The following PGR variants were observed in gnomAD, a reference collection of about 807,000 sequenced individuals.
PGR encodes progesterone receptor, also known as nuclear receptor subfamily 3 group C member 3.
A neutral mutation model predicts 76.1 loss-of-function variants in PGR; 25 were observed. The observed-to-expected ratio is 0.33, with a 90% confidence interval of 0.24 to 0.46. PGR has a LOEUF of 0.46. Ranked by LOEUF, PGR falls within the 20% of genes least tolerant of loss-of-function variation. The pLI is 1.00. For missense variants in PGR, 1,172 were observed against 1,225.3 expected (o/e 0.96, Z 0.65); for synonymous variants, 579 against 535.0 (o/e 1.08, Z -1.14).
chr11:101,083,003 C>G (rs572775), intron 3 of PGR, among the ~76,000 whole-genome samples: 16,505 of 152,246 alleles, frequency 0.11, 951 homozygotes, highest in East Asian at 0.19. Context: ...ACAGCAGCCC[C>G]TCCCATCACA....
At chr11:101,080,527 A>G (rs1467321484) in intron 3 of PGR, among the ~76,000 whole-genome samples, 3 of 152,088 alleles carry the variant, frequency 2.0e-5, no homozygotes, top group African/African-American at 4.8e-5. Flanking sequence ...TGAAGTGCCA[A>G]TGTCTCCAGA....
chr11:101,044,030 C>A (rs1298085400), intron 6 of PGR, among the ~76,000 whole-genome samples: 2 of 152,210 alleles, frequency 1.3e-5, no homozygotes, highest in African/African-American at 4.8e-5. Context: ...TAGCCCCTAA[C>A]AAGAGAGTCA....
chr11:101,066,329 C>T (rs11224579), intron 3 of PGR, among the ~76,000 whole-genome samples: 22,709 of 152,134 alleles, frequency 0.15, 2,937 homozygotes, highest in East Asian at 0.74. Context: ...CTTCTTTTAA[C>T]GCTCTTATTC....
At chr11:101,062,297 C>T (rs1028621371) in intron 4 of PGR, 150 bp downstream of exon 4, 8 of 649,386 alleles carry the variant, frequency 1.2e-5, no homozygotes, top group East Asian at 5.5e-5. Context: ...GGGTCCTAGA[C>T]AAATATTTTG....
rs577843474 is a variant in PGR, at chr11:101,072,669, T to C, written c.1907-9917A>G. 1.5e-4 allele frequency among the ~76,000 whole-genome samples: 23 copies of C among 151,868 alleles called. No homozygotes were observed. In the South Asian group the frequency reaches 4.6e-3, roughly 30 times the overall value. ...AATGGAAAGCTAAAAAAGGCAGGGG[T>C]TGCAATCCTAGTCTCTGATAAAACA... is the stretch of plus-strand genomic sequence containing the variant. On this transcript the variant is annotated intron_variant, in intron 3 of 7. Transcript: ENST00000325455.
Position 101,128,839 on chromosome 11 carries a change from G to T in PGR, c.232C>A (p.Gln78Lys), listed in dbSNP as rs771435218. The stretch of plus-strand genomic sequence containing the variant: ...GCGCCCTCCACGTCCGACAGCGACT[G>T]CTGGTCCTGCGTCTTTTCGTCGGAG... ...DPSDEKTQDQ[Q>K]SLSDVEGAYS... The change falls in exon 1 of 8, where the codon CAG becomes AAG. Residue 78 changes from glutamine to lysine, a missense_variant. Transcript: ENST00000325455. 6.2e-7 allele frequency: 1 copy of T among 1,614,074 alleles called. No homozygotes were observed. The highest frequency in any genetic ancestry group is 8.5e-7 in the Non-Finnish European group (1 of 1,180,052).
intron 4 of PGR, 37 bp from the exon 5 acceptor site, chr11:101,051,605 A>T (rs1413984866): frequency 6.8e-7 from 1 of 1,466,096 alleles, no homozygotes; most frequent in South Asian, 1.1e-5. Flanking sequence ...GACCATAAAA[A>T]TGACTGAATT....
chr11:101,048,597 T>C (rs1217329771), intron 6 of PGR, among the ~76,000 whole-genome samples: 1 of 152,082 alleles, frequency 6.6e-6, no homozygotes, highest in Non-Finnish European at 1.5e-5. Flanking sequence ...AAATCCAATA[T>C]AAAAGATACG....
intron 3 of PGR, among the ~76,000 whole-genome samples, chr11:101,074,108 C>T (rs998480002): frequency 5.3e-5 from 8 of 152,146 alleles, no homozygotes; most frequent in African/African-American, 1.9e-4. Context: ...TCCAGCAGCA[C>T]ATCAAAAAGC....
intron 3 of PGR, among the ~76,000 whole-genome samples, chr11:101,073,230 T>C (rs1032843439): frequency 6.6e-6 from 1 of 152,194 alleles, no homozygotes; most frequent in Non-Finnish European, 1.5e-5. Flanking sequence ...GATTACTGCA[T>C]AAATAATGAA....
chr11:101,115,377 C>T (rs1235443738), intron 2 of PGR, among the ~76,000 whole-genome samples: 3 of 152,078 alleles, frequency 2.0e-5, no homozygotes, highest in African/African-American at 7.2e-5. Flanking sequence ...ATGGGATAAA[C>T]TCCATGATTG....
intron 2 of PGR, among the ~76,000 whole-genome samples, chr11:101,102,840 C>A (rs1862036541): frequency 9.3e-6 from 1 of 107,882 alleles, no homozygotes; most frequent in Non-Finnish European, 1.8e-5. Context: ...ACGAATTTTC[C>A]ACGGACTGGG....
chr11:101,044,341 C>A (rs1333894306), intron 6 of PGR, among the ~76,000 whole-genome samples: 1 of 152,136 alleles, frequency 6.6e-6, no homozygotes, highest in Non-Finnish European at 1.5e-5. Context: ...CATCTCTTTG[C>A]CTTCCTAGTA....
chr11:101,062,402 A>G (rs762245970), intron 4 of PGR, 45 bp downstream of exon 4: 3 of 1,387,946 alleles, frequency 2.2e-6, no homozygotes, highest in Admixed American at 1.7e-5. Context: ...TACAACAAAC[A>G]TAGTATATTT....
chr11:101,096,232 G>A (rs140972281), intron 2 of PGR, among the ~76,000 whole-genome samples: 32 of 152,190 alleles, frequency 2.1e-4, no homozygotes, highest in Admixed American at 5.9e-4. Flanking sequence ...GGGTTGGCAC[G>A]ACTCATATCA....
Position 101,062,768 on chromosome 11 carries a change from AAAAG to A in PGR, c.1907-20_1907-17del, listed in dbSNP as rs1860556184. ...AATTTTCGACCTACAGAGAAGAAAA[AAAAG>A]AAATTCATGTAAATATATATAAACT... On this transcript the variant is annotated splice_polypyrimidine_tract_variant and intron_variant, in intron 3 of 7. Coordinates refer to ENST00000325455, the MANE Select transcript of PGR (RefSeq NM_000926.4). 3 of 1,584,208 alleles carry A rather than the reference AAAAG, an allele frequency of 1.9e-6. No individual in the cohort carries two copies. Among genetic ancestry groups the A allele is most frequent in the Non-Finnish European group, 2.6e-6 (3 of 1,159,436 alleles).
intron 4 of PGR, among the ~76,000 whole-genome samples, chr11:101,053,951 A>C (rs2135398400): frequency 6.6e-6 from 1 of 152,242 alleles, no homozygotes; most frequent in South Asian, 2.1e-4. Context: ...CTTGGGGCAT[A>C]GGTTTGGCCC....
At chr11:101,055,998 T>C (rs745839691) in intron 4 of PGR, among the ~76,000 whole-genome samples, 20 of 152,204 alleles carry the variant, frequency 1.3e-4, no homozygotes, top group Non-Finnish European at 2.5e-4. Flanking sequence ...TGCTTATCTG[T>C]GATAAATGTA....
chr11:101,046,857 TTC>T (rs1250812020), intron 6 of PGR, among the ~76,000 whole-genome samples: 1 of 152,112 alleles, frequency 6.6e-6, no homozygotes, highest in Non-Finnish European at 1.5e-5. Flanking sequence ...TGCCCAAAAG[TTC>T]AGTATATCTC....
Sources: allele counts gnomAD v4.1 joint callset (sites outside exome capture counted in the v4.1 genomes callset), GRCh38; gene constraint gnomAD v4.1.1; transcripts MANE v1.5; gene names NCBI Gene and HGNC (gene_info 2026-07-23, HGNC 2026-07-21).